Variants in NDUFA10 observed in about 807,000 individuals in gnomAD.
NDUFA10 encodes NADH dehydrogenase [ubiquinone] 1 alpha subcomplex subunit 10, mitochondrial.
Under a neutral mutation model 47.8 loss-of-function variants are expected in NDUFA10, and 40 were observed. That is an observed-to-expected ratio of 0.84 (90% CI 0.65 to 1.09). The LOEUF is 1.09. Among genes scored for constraint, NDUFA10 ranks in the 50% least tolerant of loss-of-function variants. The pLI, the probability that NDUFA10 is intolerant of heterozygous loss-of-function variation, is 0.00. For missense variants in NDUFA10, 413 were observed against 451.1 expected, an observed-to-expected ratio of 0.92 and a Z score of 0.76; for synonymous variants, 183 against 172.2, an observed-to-expected ratio of 1.06 and a Z score of -0.49.
intron 9 of NDUFA10, among the ~76,000 whole-genome samples, chr2:239,965,307 G>C (rs528156106): frequency 1.3e-4 from 20 of 152,158 alleles, no homozygotes; most frequent in South Asian, 8.3e-4. Context: ...AACCATGCGG[G>C]GGGGGAGGGG....
At chr2:239,908,490 A>G (rs6759525) in intron 4 of NDUFA10, among the ~76,000 whole-genome samples, 33,097 of 152,172 alleles carry the variant, frequency 0.22, 3,947 homozygotes, top group African/African-American at 0.31. Context: ...GGGCCCCACC[A>G]CAGCCTGACA....
chr2:239,942,781 G>A (rs530443371), intron 4 of NDUFA10, among the ~76,000 whole-genome samples: 17 of 152,122 alleles, frequency 1.1e-4, no homozygotes, highest in South Asian at 1.0e-3. Context: ...CTTCAAGCCC[G>A]AGCAGCTCTG....
Position 239,958,541 on chromosome 2 carries a change from C to T in NDUFA10, c.*2577G>A, listed in dbSNP as rs887767906. 1 of 152,258 alleles carries T rather than the reference C, an allele frequency of 6.6e-6. No individual in the cohort carries two copies. The highest frequency in any genetic ancestry group is 2.4e-5 in the African/African-American group (1 of 41,460). 9.4% of individuals were successfully genotyped at this position (152,258 alleles called of 1,614,324 possible). A position where few individuals can be genotyped will look rare whatever the true frequency, so the allele number is the denominator to read the frequency against. On this transcript the variant is annotated 3_prime_UTR_variant, in exon 10 of 10. Transcript: ENST00000252711. ...GCCTGTTTCCCTGCTGTTCTTGCCA[C>T]AACACCTAGGCAGAACATGGAGGTT... is the stretch of plus-strand genomic sequence containing the variant.
intron 4 of NDUFA10, chr2:240,017,787 G>T: frequency 6.5e-7 from 1 of 1,532,450 alleles, no homozygotes; most frequent in Non-Finnish European, 8.8e-7. Context: ...GCAGCCAGAA[G>T]CAGGCGCCTC....
At position 240,022,354 on chromosome 2, in the gene NDUFA10, A is replaced by G. The variant is rs767388584; in HGVS notation, c.76-14T>C. On this transcript the variant is annotated splice_polypyrimidine_tract_variant and intron_variant, in intron 1 of 9. Transcript: ENST00000252711. ...ATGAATTCCTCTCTGAAAAACACAAAATCACACAGCAGCACATTGTGACCA... is the reference window on the plus strand; with the variant it reads ...ATGAATTCCTCTCTGAAAAACACAAGATCACACAGCAGCACATTGTGACCA... 2 of 1,614,036 alleles carry G rather than the reference A, an allele frequency of 1.2e-6. No individual in the cohort carries two copies.
At chr2:239,938,162 C>G (rs951623524) in intron 4 of NDUFA10, among the ~76,000 whole-genome samples, 19 of 152,196 alleles carry the variant, frequency 1.2e-4, no homozygotes, top group Admixed American at 1.2e-3. Flanking sequence ...TCGGACAGCT[C>G]CCCCATCTGT....
intron 4 of NDUFA10, among the ~76,000 whole-genome samples, chr2:239,914,420 GACAC>G (rs142245714): frequency 0.039 from 5,373 of 139,510 alleles, 337 homozygotes; most frequent in African/African-American, 0.14. Context: ...CAAATATACA[GACAC>G]ACACAGAGAC....
chr2:239,980,921 G>A (rs2106427722), intron 9 of NDUFA10, among the ~76,000 whole-genome samples: 1 of 152,312 alleles, frequency 6.6e-6, no homozygotes, highest in East Asian at 1.9e-4. Flanking sequence ...GGCACCCAGT[G>A]GTGAAACCAT....
intron 8 of NDUFA10, among the ~76,000 whole-genome samples, chr2:240,004,031 G>A (rs750957235): frequency 3.9e-5 from 6 of 152,188 alleles, no homozygotes; most frequent in Admixed American, 1.3e-4. Context: ...TTCAACGGAC[G>A]AGACACTGCC....
intron 8 of NDUFA10, among the ~76,000 whole-genome samples, chr2:240,003,808 CA>C (rs1194205649): frequency 6.6e-6 from 1 of 152,042 alleles, no homozygotes; most frequent in Admixed American, 6.6e-5. Flanking sequence ...AGGACAGACC[CA>C]AGCAGGATGA....
intron 9 of NDUFA10, among the ~76,000 whole-genome samples, chr2:239,961,810 G>A (rs931209713): frequency 1.3e-5 from 2 of 152,210 alleles, no homozygotes; most frequent in South Asian, 2.1e-4. Flanking sequence ...GCGACAGGAC[G>A]ACAGAGCCCA....
At chr2:239,964,295 A>T (rs530594477) in intron 9 of NDUFA10, among the ~76,000 whole-genome samples, 3 of 152,248 alleles carry the variant, frequency 2.0e-5, no homozygotes, top group African/African-American at 7.2e-5. Flanking sequence ...TGACAATGGA[A>T]GCAACAGCCA....
intron 4 of NDUFA10, among the ~76,000 whole-genome samples, chr2:239,912,200 C>A (rs1015024899): frequency 2.2e-4 from 34 of 152,280 alleles, no homozygotes; most frequent in Admixed American, 1.7e-3. Flanking sequence ...TTTGCACCCC[C>A]CTCTGGTCCT....
chr2:239,972,137 ATGTGTGTGTGTGTGTGTG>A (rs4149568), intron 9 of NDUFA10, among the ~76,000 whole-genome samples: 1 of 150,498 alleles, frequency 6.6e-6, no homozygotes, highest in African/African-American at 2.4e-5. Flanking sequence ...TTCATGAAGG[ATGTGTGTGTGTGTGTGTG>A]TGTGTGTGTG....
intron 4 of NDUFA10, among the ~76,000 whole-genome samples, chr2:239,897,880 C>T (rs1048168540): frequency 2.6e-5 from 4 of 152,352 alleles, no homozygotes; most frequent in East Asian, 1.9e-4. Context: ...TCCAGAAGCA[C>T]GCGCATCCCC....
At chr2:239,919,680 A>T (rs13418234) in intron 4 of NDUFA10, among the ~76,000 whole-genome samples, 34,223 of 152,036 alleles carry the variant, frequency 0.23, 5,358 homozygotes, top group African/African-American at 0.45. Context: ...CCATCCTAAG[A>T]GGATCACATT....
At chr2:239,898,919 T>TGGGATGGAGGGG (rs1693455000) in intron 4 of NDUFA10, among the ~76,000 whole-genome samples, 4 of 123,720 alleles carry the variant, frequency 3.2e-5, no homozygotes, top group South Asian at 2.8e-4. Context: ...TGATGGAAGG[T>TGGGATGGAGGGG]TGTGATGGAG....
intron 4 of NDUFA10, among the ~76,000 whole-genome samples, chr2:239,898,140 C>G (rs1574760665): frequency 6.6e-6 from 1 of 152,226 alleles, no homozygotes; most frequent in East Asian, 1.9e-4. Flanking sequence ...GCCCAGCTCA[C>G]AAATGGAGTC....
chr2:239,910,087 AG>A (rs1559271051), intron 4 of NDUFA10, among the ~76,000 whole-genome samples: 1 of 152,258 alleles, frequency 6.6e-6, no homozygotes, highest in Non-Finnish European at 1.5e-5. Context: ...AAGGTTGCAG[AG>A]TAAAAGGAAT....
Sources: allele counts gnomAD v4.1 joint callset (sites outside exome capture counted in the v4.1 genomes callset), GRCh38; gene constraint gnomAD v4.1.1; transcripts MANE v1.5; gene names NCBI Gene and HGNC (gene_info 2026-07-23, HGNC 2026-07-21).